NPHP4: variants seen among roughly 807,000 people sequenced by gnomAD.
The protein encoded by NPHP4 is nephrocystin 4.
A neutral mutation model predicts 155.8 loss-of-function variants in NPHP4; 151 were observed. That is an observed-to-expected ratio of 0.97 (90% CI 0.85 to 1.11). The LOEUF (loss-of-function observed/expected upper bound fraction) is 1.11. Among genes scored for constraint, NPHP4 ranks in the 50% least tolerant of loss-of-function variants. The pLI is 0.00. For missense variants in NPHP4, 1,956 were observed against 1,925.7 expected, an observed-to-expected ratio of 1.02 and a Z score of -0.29; for synonymous variants, 845 against 816.8, an observed-to-expected ratio of 1.03 and a Z score of -0.59.
Position 5,867,981 on chromosome 1 carries a change from C to T in NPHP4, c.3316-85G>A, listed in dbSNP as rs1218441451. 1.4e-6 allele frequency: 2 copies of T among 1,436,352 alleles called. No homozygotes were observed. Among genetic ancestry groups the T allele is most frequent in the South Asian group, 2.3e-5 (2 of 85,808 alleles). 89.0% of individuals were successfully genotyped at this position (1,436,352 alleles called of 1,614,324 possible). A position where few individuals can be genotyped will look rare whatever the true frequency, so the allele number is the denominator to read the frequency against. On this transcript the variant is annotated intron_variant, in intron 23 of 29. Coordinates refer to ENST00000378156, the MANE Select transcript of NPHP4 (RefSeq NM_015102.5). The surrounding 1 kb of genome is among the most constrained non-coding windows in gnomAD (Gnocchi z 4.1). ...CCCTCCTTAGACAGCACACGTATCTCCACTGTTGCCAAGACCCCCTCACCC... is the reference window on the plus strand; with the variant it reads ...CCCTCCTTAGACAGCACACGTATCTTCACTGTTGCCAAGACCCCCTCACCC...
At chr1:5,974,918 C>A (rs1653260515) in intron 3 of NPHP4, among the ~76,000 whole-genome samples, 1 of 152,188 alleles carries the variant, frequency 6.6e-6, no homozygotes, top group Non-Finnish European at 1.5e-5. Flanking sequence ...GCTCACCAAC[C>A]CCAAAGCAGA....
chr1:5,866,198 T>A (rs1250761034), intron 26 of NPHP4, 175 bp downstream of exon 26: 1 of 658,844 alleles, frequency 1.5e-6, no homozygotes, highest in Non-Finnish European at 2.8e-6. Context: ...GTGCCTTCCC[T>A]AGACCCCTGC....
chr1:5,873,576 G>A (rs986023408), intron 22 of NPHP4: 3 of 576,134 alleles, frequency 5.2e-6, no homozygotes, highest in South Asian at 2.2e-5. Flanking sequence ...AAAGGCCTGA[G>A]GTCCCACCTG....
At chr1:5,895,813 G>T (rs1245997074) in intron 16 of NPHP4, among the ~76,000 whole-genome samples, 1 of 152,214 alleles carries the variant, frequency 6.6e-6, no homozygotes, top group Non-Finnish European at 1.5e-5. Context: ...GCTGAATAAA[G>T]AGCAGCATAA....
In NPHP4 at chr1:5,952,727, C is replaced by T. The variant is rs898090096; in HGVS notation, c.783G>A (p.Glu261=). 11 of 1,558,826 alleles carry T rather than the reference C, an allele frequency of 7.1e-6. No homozygotes were observed. Among genetic ancestry groups the T allele is most frequent in the Admixed American group, 3.9e-5 (2 of 51,858 alleles). Residue 261 remains glutamate, a synonymous_variant, in exon 7 of 30, where the codon GAG becomes GAA. Coordinates refer to ENST00000378156, the MANE Select transcript of NPHP4 (RefSeq NM_015102.5). ...CCTGGAAGTGGTCCTGGACGTGGAG[C>T]TCCAGCAGCTCTTCCTCAAACTTCT... ...SLEKFEEELL[E]LHVQDHFQEG...
chr1:5,871,386 G>A (rs183798950), intron 23 of NPHP4, among the ~76,000 whole-genome samples: 7 of 152,298 alleles, frequency 4.6e-5, no homozygotes, highest in Admixed American at 3.9e-4. Flanking sequence ...ATCATGAGAC[G>A]CCGCAAACAT....
intron 10 of NPHP4, among the ~76,000 whole-genome samples, chr1:5,928,628 T>G (rs1483309149): frequency 6.6e-6 from 1 of 152,230 alleles, no homozygotes; most frequent in Non-Finnish European, 1.5e-5. Flanking sequence ...GACTCTCTAG[T>G]CTGTTCCATT....
At chr1:5,987,167 C>G (rs1557898372) in intron 1 of NPHP4, among the ~76,000 whole-genome samples, 2 of 151,996 alleles carry the variant, frequency 1.3e-5, no homozygotes, top group Non-Finnish European at 2.9e-5. Flanking sequence ...CAGGTGTTAC[C>G]AGCTTCTTGG....
chr1:5,872,996 C>T (rs1476878746), intron 23 of NPHP4, among the ~76,000 whole-genome samples: 2 of 152,228 alleles, frequency 1.3e-5, no homozygotes, highest in East Asian at 1.9e-4. Flanking sequence ...GCTTCACACC[C>T]GGAGAGCCCT....
At chr1:5,879,703 G>A in intron 19 of NPHP4, 1 of 470,664 alleles carries the variant, frequency 2.1e-6, no homozygotes, top group South Asian at 1.6e-5. Flanking sequence ...ATCTAGCCAG[G>A]GCACCGAGCT....
chr1:5,971,422 T>C (rs532136540), intron 3 of NPHP4, among the ~76,000 whole-genome samples: 1 of 152,336 alleles, frequency 6.6e-6, no homozygotes, highest in East Asian at 1.9e-4. Context: ...TAAGGACATA[T>C]GTTCTTTTCC....
chr1:5,935,082 T>C (rs1421841581), intron 9 of NPHP4, among the ~76,000 whole-genome samples: 1 of 152,200 alleles, frequency 6.6e-6, no homozygotes, highest in East Asian at 1.9e-4. Flanking sequence ...CAACTTCATA[T>C]ACAAGCAGAT....
chr1:5,939,161 A>T (rs1646696679), intron 9 of NPHP4, among the ~76,000 whole-genome samples: 2 of 152,362 alleles, frequency 1.3e-5, no homozygotes, highest in South Asian at 4.1e-4. Context: ...AAGGGCTAAC[A>T]GGCAACATTT....
At chr1:5,939,351 G>A (rs896641733) in intron 9 of NPHP4, among the ~76,000 whole-genome samples, 1 of 152,232 alleles carries the variant, frequency 6.6e-6, no homozygotes, top group African/African-American at 2.4e-5. Context: ...ACTAAAAGAA[G>A]CAACAGCAAA....
chr1:5,918,799 G>A (rs1645595311), intron 11 of NPHP4, among the ~76,000 whole-genome samples: 1 of 152,216 alleles, frequency 6.6e-6, no homozygotes, highest in African/African-American at 2.4e-5. Context: ...ACAAGATGAA[G>A]TGGAAAACAT....
chr1:5,963,305 G>A (rs1352638464), intron 5 of NPHP4, among the ~76,000 whole-genome samples: 3 of 151,996 alleles, frequency 2.0e-5, no homozygotes, highest in Non-Finnish European at 2.9e-5. Flanking sequence ...TGAGGCAGGA[G>A]AATCGCTTGA....
At chr1:5,970,131 T>C (rs577712241) in intron 3 of NPHP4, among the ~76,000 whole-genome samples, 2 of 152,112 alleles carry the variant, frequency 1.3e-5, no homozygotes, top group Admixed American at 6.5e-5. Context: ...ATACGGGCGC[T>C]CCCACTTGGG....
Position 5,888,309 on chromosome 1 carries a change from G to A in NPHP4, c.2305-843C>T, listed in dbSNP as rs180937666. 3.2e-4 allele frequency: 317 copies of A among 982,926 alleles called. No homozygotes were observed. The South Asian group carries it at 3.3e-3, about 10-fold the overall frequency. The allele number at this position is 982,926 out of a possible 1,614,324, so 60.9% of individuals were successfully genotyped here. A position where few individuals can be genotyped will look rare whatever the true frequency, so the allele number is the denominator to read the frequency against. On this transcript the variant is annotated intron_variant, in intron 17 of 29. Transcript: ENST00000378156. ...ACGGCCTCACGGCTGTGCCCCAGGCGTGGCTGGGACACTCTTCCCCCGTGC... is the reference window on the plus strand; with the variant it reads ...ACGGCCTCACGGCTGTGCCCCAGGCATGGCTGGGACACTCTTCCCCCGTGC...
At chr1:5,875,603 G>A (rs1356002308) in intron 20 of NPHP4, among the ~76,000 whole-genome samples, 1 of 152,230 alleles carries the variant, frequency 6.6e-6, no homozygotes, top group Non-Finnish European at 1.5e-5. Context: ...GCAAGGCTCA[G>A]CCACCCCCTT....
Sources: allele counts gnomAD v4.1 joint callset (sites outside exome capture counted in the v4.1 genomes callset), GRCh38; gene constraint gnomAD v4.1.1; non-coding constraint Gnocchi (gnomAD v3.1); transcripts MANE v1.5; gene names NCBI Gene and HGNC (gene_info 2026-07-23, HGNC 2026-07-21).